Variants in ALKBH3 observed in about 807,000 individuals in gnomAD.
ALKBH3 encodes alkB homolog 3, alpha-ketoglutarate dependent dioxygenase.
Under a neutral mutation model 43.9 loss-of-function variants are expected in ALKBH3, and 51 were observed. The ratio of observed to expected loss-of-function variants is 1.16; its 90% CI spans 0.93 to 1.47. ALKBH3 has a LOEUF of 1.47. ALKBH3 is among the 40% of genes most tolerant of loss of function. The pLI is 0.00. For missense variants in ALKBH3, 361 were observed against 351.9 expected, an observed-to-expected ratio of 1.03 and a Z score of -0.21; for synonymous variants, 102 against 115.2, an observed-to-expected ratio of 0.89 and a Z score of 0.73.
chr11:43,886,547 C>T, intron 4 of ALKBH3, 59 bp from the exon 5 acceptor site: 1 of 1,551,184 alleles, frequency 6.4e-7, no homozygotes, highest in South Asian at 1.1e-5. Context: ...AACTCTTCCA[C>T]TGGGTATAGC....
chr11:43,903,427 A>C (rs1951875863), intron 8 of ALKBH3, among the ~76,000 whole-genome samples: 1 of 152,238 alleles, frequency 6.6e-6, no homozygotes, highest in African/African-American at 2.4e-5. Flanking sequence ...TCATTATTTA[A>C]GTTCAGACCC....
intron 9 of ALKBH3, 144 bp from the exon 10 acceptor site, chr11:43,919,774 C>A: frequency 1.3e-6 from 1 of 750,074 alleles, no homozygotes; most frequent in South Asian, 1.8e-5. Flanking sequence ...GACCTTTCTC[C>A]ACAAGACTTC....
rs567292843 is a variant in ALKBH3 at position 43,903,204 on chromosome 11, C to T, written c.669+1479C>T. Among the ~76,000 whole-genome samples, 98 of 152,132 alleles carry T rather than the reference C, an allele frequency of 6.4e-4. 1 individual carries two copies. In the South Asian group the frequency reaches 0.02, roughly 31 times the overall value. On this transcript the variant is annotated intron_variant, in intron 8 of 9. Transcript: ENST00000302708. ...TTTTAAGTGAACTTGCTCTCTAAGCCTTCAGTTACATTGGCAAGCAGCCTT... is the reference window on the plus strand; with the variant it reads ...TTTTAAGTGAACTTGCTCTCTAAGCTTTCAGTTACATTGGCAAGCAGCCTT...
chr11:43,900,100 C>T (rs1951851231), intron 7 of ALKBH3, among the ~76,000 whole-genome samples: 1 of 151,174 alleles, frequency 6.6e-6, no homozygotes, highest in South Asian at 2.1e-4. Flanking sequence ...AAAACAGTGT[C>T]ACCCTTCTCA....
intron 7 of ALKBH3, among the ~76,000 whole-genome samples, chr11:43,899,872 GAAAAA>G (rs10636253): frequency 8.2e-6 from 1 of 121,946 alleles, no homozygotes; most frequent in African/African-American, 3.1e-5. Flanking sequence ...GTGGTCTCAG[GAAAAA>G]AAAAAAAAAA....
intron 5 of ALKBH3, among the ~76,000 whole-genome samples, chr11:43,888,858 G>A (rs1250058569): frequency 1.3e-5 from 2 of 152,198 alleles, no homozygotes; most frequent in African/African-American, 4.8e-5. Flanking sequence ...ATTTTGAGCT[G>A]CGTTGGCATT....
At chr11:43,882,804 G>A in intron 2 of ALKBH3, 73 bp downstream of exon 2, 1 of 1,406,676 alleles carries the variant, frequency 7.1e-7, no homozygotes, top group Non-Finnish European at 9.6e-7. Flanking sequence ...ATATCCTTTT[G>A]GTTTATAATG....
At position 43,899,727 on chromosome 11, in the gene ALKBH3, T is replaced by G. The variant is rs543629773; in HGVS notation, c.460-1789T>G. On this transcript the variant is annotated intron_variant, in intron 7 of 9. Transcript: ENST00000302708. Reference sequence around the variant, plus strand: ...TAGTCATTTCATCCCAAAACTATCTTGGCAGGTAGTTTTAACTCTGATCCT... The same window carrying G: ...TAGTCATTTCATCCCAAAACTATCTGGGCAGGTAGTTTTAACTCTGATCCT... 3 of 287,546 alleles carry G rather than the reference T, an allele frequency of 1.0e-5. No homozygotes were observed. In the South Asian group the frequency reaches 1.5e-4, roughly 15 times the overall value. The allele number at this position is 287,546 out of a possible 1,614,324, so 17.8% of individuals were successfully genotyped here.
At chr11:43,902,341 C>T (rs936385377) in intron 8 of ALKBH3, among the ~76,000 whole-genome samples, 8 of 152,092 alleles carry the variant, frequency 5.3e-5, no homozygotes, top group Admixed American at 3.3e-4. Flanking sequence ...AAATTAATAA[C>T]GATATAATAA....
intron 7 of ALKBH3, among the ~76,000 whole-genome samples, chr11:43,893,337 C>T: frequency 6.6e-6 from 1 of 152,142 alleles, no homozygotes. Flanking sequence ...AAAACCAACT[C>T]AAGACATTGT....
intron 6 of ALKBH3, 54 bp downstream of exon 6, chr11:43,889,882 T>C (rs889817964): frequency 2.3e-5 from 32 of 1,417,770 alleles, no homozygotes; most frequent in African/African-American, 2.8e-5. Flanking sequence ...CTCTCTGGAA[T>C]GTTTCCTAGT....
At chr11:43,912,712 TGAA>T (rs1194325685) in intron 8 of ALKBH3, among the ~76,000 whole-genome samples, 5 of 152,212 alleles carry the variant, frequency 3.3e-5, no homozygotes, top group Non-Finnish European at 7.3e-5. Flanking sequence ...AGGGGTGAGA[TGAA>T]GAATGTGATA....
At chr11:43,918,857 C>G in intron 8 of ALKBH3, 181 bp from the exon 9 acceptor site, 1 of 557,626 alleles carries the variant, frequency 1.8e-6, no homozygotes. Flanking sequence ...ATGAGTAAGT[C>G]AGGGTACAGA....
intron 6 of ALKBH3, among the ~76,000 whole-genome samples, chr11:43,891,752 G>A (rs925347266): frequency 7.9e-5 from 12 of 152,162 alleles, no homozygotes; most frequent in African/African-American, 2.9e-4. Flanking sequence ...CTGTTCCCCA[G>A]TGTGACTCTT....
At position 43,890,654 on chromosome 11, in the gene ALKBH3, AG is replaced by A. The variant is rs199750702; in HGVS notation, c.370+828del. ...GCCGAGGCAGGTGGATCATGAGGTC[AG>A]GAGATCGAGACCATCCTGGCTAACA... is the stretch of plus-strand genomic sequence containing the variant. On this transcript the variant is annotated intron_variant, in intron 6 of 9. Coordinates refer to ENST00000302708, the MANE Select transcript of ALKBH3 (RefSeq NM_139178.4). Among the ~76,000 whole-genome samples the A allele has an allele frequency of 1.1e-4, 17 of 152,240 alleles. No individual in the cohort carries two copies. The East Asian group carries it at 3.3e-3, about 29-fold the overall frequency.
Position 43,905,527 on chromosome 11 carries a change from A to G in ALKBH3, c.669+3802A>G, listed in dbSNP as rs117273552. Among the ~76,000 whole-genome samples the G allele has an allele frequency of 3.1e-3, 466 of 151,342 alleles. 21 individuals are homozygous for G. The East Asian group carries it at 0.069, about 22-fold the overall frequency. The stretch of plus-strand genomic sequence containing the variant: ...TTTAGAGTAAATTACCCTTTCCTTT[A>G]ATGATATTACTGTCATTCCTCAGGG... On this transcript the variant is annotated intron_variant, in intron 8 of 9. Transcript: ENST00000302708.
At chr11:43,886,986 G>A (rs1263044815) in intron 5 of ALKBH3, among the ~76,000 whole-genome samples, 1 of 152,044 alleles carries the variant, frequency 6.6e-6, no homozygotes, top group East Asian at 1.9e-4. Context: ...AGAGGAACAG[G>A]AAAAATAACT....
In ALKBH3 at chr11:43,901,415, T is replaced by A. The variant is rs1951862955; in HGVS notation, c.460-101T>A. 16 of 1,361,962 alleles carry A rather than the reference T, an allele frequency of 1.2e-5. No individual in the cohort carries two copies. In the South Asian group the frequency reaches 2.0e-4, roughly 17 times the overall value. 84.4% of individuals were successfully genotyped at this position (1,361,962 alleles called of 1,614,324 possible). A position where few individuals can be genotyped will look rare whatever the true frequency, so the allele number is the denominator to read the frequency against. ...GTTTGCTTATTACATGCCCTGGTTA[T>A]AACTTGGCTGATTTTGCCCTTTCTT... On this transcript the variant is annotated intron_variant, in intron 7 of 9. Coordinates refer to ENST00000302708, the MANE Select transcript of ALKBH3 (RefSeq NM_139178.4).
chr11:43,917,867 A>C (rs1385530105), intron 8 of ALKBH3, among the ~76,000 whole-genome samples: 2 of 152,208 alleles, frequency 1.3e-5, no homozygotes, highest in Non-Finnish European at 2.9e-5. Flanking sequence ...TGTCTATAAA[A>C]ATTATGACTA....
Sources: gnomAD v4.1 joint callset for allele counts (sites outside exome capture counted in the v4.1 genomes callset) on GRCh38, gnomAD v4.1.1 for gene constraint, MANE v1.5 for transcripts, NCBI Gene and HGNC (gene_info 2026-07-23, HGNC 2026-07-21) for gene names.